Variants in SLC35F3 observed in about 807,000 individuals in gnomAD.
SLC35F3 encodes the protein putative thiamine transporter SLC35F3.
A neutral mutation model predicts 49.9 loss-of-function variants in SLC35F3; 25 were observed. That is an observed-to-expected ratio of 0.50 (90% CI 0.37 to 0.70). The LOEUF is 0.70. Among genes scored for constraint, SLC35F3 ranks in the 30% least tolerant of loss-of-function variants. The probability of loss-of-function intolerance (pLI) is 0.00; values close to 1 mark genes in which losing one functional copy is unlikely to be tolerated. For missense variants in SLC35F3, 525 were observed against 639.8 expected (o/e 0.82, Z 1.94); for synonymous variants, 275 against 265.4 (o/e 1.04, Z -0.35).
intron 3 of SLC35F3, chr1:234,285,601 T>C: frequency 3.7e-6 from 1 of 270,462 alleles, no homozygotes; most frequent in Non-Finnish European, 7.2e-6. Context: ...TAAGACTTAT[T>C]TGTGATATTT....
At chr1:233,977,095 G>A (rs1432046437) in intron 2 of SLC35F3, among the ~76,000 whole-genome samples, 3 of 152,172 alleles carry the variant, frequency 2.0e-5, no homozygotes, top group Admixed American at 1.3e-4. Context: ...CTCTGCGCAT[G>A]CCCTTCAGGT....
chr1:233,955,685 A>G (rs950479462), intron 2 of SLC35F3, among the ~76,000 whole-genome samples: 9 of 151,472 alleles, frequency 5.9e-5, no homozygotes, highest in African/African-American at 2.2e-4. Context: ...CTAGCCTCTG[A>G]TCGTTCACAC....
At chr1:234,244,293 A>G (rs1326377927) in intron 3 of SLC35F3, among the ~76,000 whole-genome samples, 1 of 152,202 alleles carries the variant, frequency 6.6e-6, no homozygotes, top group Non-Finnish European at 1.5e-5. Flanking sequence ...GAACACCACA[A>G]GGACAGGGAT....
intron 2 of SLC35F3, among the ~76,000 whole-genome samples, chr1:234,067,516 G>A (rs945332706): frequency 6.6e-6 from 1 of 152,188 alleles, no homozygotes; most frequent in Non-Finnish European, 1.5e-5. Context: ...CTCTGGGCTT[G>A]ATCAGCTGAC....
At chr1:233,942,110 G>A (rs534244272) in intron 2 of SLC35F3, among the ~76,000 whole-genome samples, 7 of 151,788 alleles carry the variant, frequency 4.6e-5, no homozygotes, top group South Asian at 4.2e-4. Flanking sequence ...ACAGGTGCCC[G>A]CCACCACACC....
chr1:234,108,445 A>T (rs59104550), intron 2 of SLC35F3, among the ~76,000 whole-genome samples: 32 of 89,062 alleles, frequency 3.6e-4, no homozygotes, highest in East Asian at 9.3e-3. Flanking sequence ...TATATATAAA[A>T]GATATATATT....
intron 2 of SLC35F3, among the ~76,000 whole-genome samples, chr1:234,168,528 G>A (rs892869120): frequency 5.9e-5 from 9 of 152,218 alleles, no homozygotes; most frequent in South Asian, 4.1e-4. Flanking sequence ...TCTCCGGGCC[G>A]CCGTTCCAAG....
rs1386855244 is a variant in SLC35F3, at chr1:234,211,813, G to T, written c.284-19604G>T. Among the ~76,000 whole-genome samples the T allele has an allele frequency of 2.0e-5, 3 of 152,218 alleles. No homozygotes were observed. The East Asian group carries it at 5.8e-4, about 29-fold the overall frequency. ...AAATGAATTAAGACTTTGGGGGATAGATGGGAAGGCAAGATTGGTTTTGAA... is the reference window on the plus strand; with the variant it reads ...AAATGAATTAAGACTTTGGGGGATATATGGGAAGGCAAGATTGGTTTTGAA... On this transcript the variant is annotated intron_variant, in intron 2 of 7. Coordinates refer to ENST00000366618, the MANE Select transcript of SLC35F3 (RefSeq NM_173508.4).
intron 2 of SLC35F3, among the ~76,000 whole-genome samples, chr1:234,218,113 AC>A (rs1198428212): frequency 1.3e-5 from 2 of 152,208 alleles, no homozygotes; most frequent in Non-Finnish European, 2.9e-5. Flanking sequence ...CTAAAAACAT[AC>A]CTTGTTTTCA....
At chr1:234,061,604 G>A (rs1289292076) in intron 2 of SLC35F3, among the ~76,000 whole-genome samples, 1 of 151,848 alleles carries the variant, frequency 6.6e-6, no homozygotes, top group East Asian at 1.9e-4. Flanking sequence ...TAATTGGTGT[G>A]CTTAGTGTCA....
At chr1:234,007,427 C>G (rs950049188) in intron 2 of SLC35F3, among the ~76,000 whole-genome samples, 1 of 152,084 alleles carries the variant, frequency 6.6e-6, no homozygotes, top group African/African-American at 2.4e-5. Context: ...GGAGAAGGGC[C>G]TAGTGTGGGT....
intron 2 of SLC35F3, among the ~76,000 whole-genome samples, chr1:233,970,904 T>G (rs1662980156): frequency 6.6e-6 from 1 of 152,242 alleles, no homozygotes; most frequent in South Asian, 2.1e-4. Context: ...AGCAAGCTAA[T>G]AAGGATTTTA....
chr1:234,145,472 T>C (rs1665982535), intron 2 of SLC35F3, among the ~76,000 whole-genome samples: 2 of 152,276 alleles, frequency 1.3e-5, no homozygotes, highest in South Asian at 4.1e-4. Context: ...GTTCAGTCTA[T>C]TGCTTCTCTT....
chr1:234,219,692 C>G (rs574944458), intron 2 of SLC35F3, among the ~76,000 whole-genome samples: 20 of 152,350 alleles, frequency 1.3e-4, no homozygotes, highest in South Asian at 1.0e-3. Context: ...GTCATTACCC[C>G]CTTCTTCGCC....
chr1:234,151,521 T>C (rs947556171), intron 2 of SLC35F3, among the ~76,000 whole-genome samples: 10 of 150,572 alleles, frequency 6.6e-5, no homozygotes, highest in East Asian at 5.8e-4. Context: ...TAGAAAATTA[T>C]ATAAGATGTG....
chr1:234,132,936 C>G (rs1027475896), intron 2 of SLC35F3, among the ~76,000 whole-genome samples: 14 of 152,172 alleles, frequency 9.2e-5, no homozygotes, highest in African/African-American at 3.4e-4. Flanking sequence ...GGACACTGTT[C>G]AAAGTGTTTA....
At chr1:233,995,410 A>G (rs1344390215) in intron 2 of SLC35F3, among the ~76,000 whole-genome samples, 2 of 152,116 alleles carry the variant, frequency 1.3e-5, no homozygotes, top group Non-Finnish European at 2.9e-5. Flanking sequence ...GGCCAGATGG[A>G]TAAACCTGAG....
chr1:234,198,936 C>A (rs950609411), intron 2 of SLC35F3, among the ~76,000 whole-genome samples: 1 of 151,918 alleles, frequency 6.6e-6, no homozygotes, highest in Non-Finnish European at 1.5e-5. Flanking sequence ...AACAGCATGG[C>A]AGCTGGGTGC....
chr1:234,204,236 AGAGGCCAGAACT>A lies in SLC35F3; in HGVS notation c.284-27180_284-27169del, dbSNP rs1666939962. Reference sequence around the variant, plus strand: ...GAAAAAAAAATAGAAACGGTGAATAAGAGGCCAGAACTTTGATATATATTATCAACCTTCTAA... The same window carrying A: ...GAAAAAAAAATAGAAACGGTGAATAATTGATATATATTATCAACCTTCTAA... On this transcript the variant is annotated intron_variant, in intron 2 of 7. Transcript: ENST00000366618. Among the ~76,000 whole-genome samples, 4 of 152,346 alleles carry A rather than the reference AGAGGCCAGAACT, an allele frequency of 2.6e-5. No individual in the cohort carries two copies. The East Asian group carries it at 5.8e-4, about 22-fold the overall frequency.
Sources: allele counts gnomAD v4.1 joint callset (sites outside exome capture counted in the v4.1 genomes callset), GRCh38; gene constraint gnomAD v4.1.1; transcripts MANE v1.5; gene names NCBI Gene and HGNC (gene_info 2026-07-23, HGNC 2026-07-21).